The following ATG7 variants were observed in gnomAD, a reference collection of about 807,000 sequenced individuals.
ATG7 encodes autophagy related 7.
In ATG7, 70 loss-of-function variants were observed where a neutral mutation model predicts 82.4. That is an observed-to-expected ratio of 0.85 (90% CI 0.70 to 1.04). The LOEUF (loss-of-function observed/expected upper bound fraction) is 1.04. ATG7 is among the 50% of genes least tolerant of loss of function. The pLI, the probability that ATG7 is intolerant of heterozygous loss-of-function variation, is 0.00. For synonymous variants in ATG7, 287 were observed against 313.0 expected, an observed-to-expected ratio of 0.92 and a Z score of 0.88; for missense variants, 792 against 864.3, an observed-to-expected ratio of 0.92 and a Z score of 1.05.
chr3:11,277,163 C>T (rs1941993934), intron 1 of ATG7: 1 of 152,388 alleles, frequency 6.6e-6, no homozygotes, highest in Admixed American at 6.5e-5. Context: ...TTCAGGCTCC[C>T]CTCCCTTTTT....
chr3:11,294,984 C>T lies in ATG7; in HGVS notation c.-10-3702C>T, dbSNP rs375212119. On this transcript the variant is annotated intron_variant, in intron 3 of 20. Coordinates refer to ENST00000693202, the MANE Select transcript of ATG7 (RefSeq NM_001349232.2). ...AAAATTAGCCGGGCATGGTGGTGCA[C>T]ACCTGTAGTCCCAGCTACTCAGGAG... Among the ~76,000 whole-genome samples the T allele has an allele frequency of 1.2e-4, 19 of 152,266 alleles. No individual in the cohort carries two copies. The South Asian group carries it at 3.5e-3, about 28-fold the overall frequency.
At chr3:11,568,831 C>T in the ATG7 span, 1 of 1,410,246 alleles carries the variant, frequency 7.1e-7, no homozygotes, top group Non-Finnish European at 9.2e-7. This position sits in a 1 kb window ranked among gnomAD's most constrained non-coding sequence, Gnocchi z 5.9. Flanking sequence ...ACCCAAAGGA[C>T]TCTGAGTGGC....
intron 15 of ATG7, among the ~76,000 whole-genome samples, chr3:11,359,557 G>A (rs947854896): frequency 1.3e-5 from 2 of 152,036 alleles, no homozygotes; most frequent in Middle Eastern, 3.4e-3. Context: ...TTAGCTAGGT[G>A]TGGTGATGCA....
chr3:11,499,921 ATAG>A (rs1226311676), intron 20 of ATG7, among the ~76,000 whole-genome samples: 1 of 152,150 alleles, frequency 6.6e-6, no homozygotes, highest in Non-Finnish European at 1.5e-5. Flanking sequence ...TGCAGTCCTC[ATAG>A]TAGGTGGCCA....
intron 20 of ATG7, among the ~76,000 whole-genome samples, chr3:11,457,639 A>T (rs965560980): frequency 2.0e-4 from 30 of 152,226 alleles, no homozygotes; most frequent in African/African-American, 7.0e-4. Flanking sequence ...ATTGCATAGC[A>T]TTTAGTAGGC....
intron 8 of ATG7, among the ~76,000 whole-genome samples, chr3:11,315,027 A>G (rs1949196677): frequency 6.6e-6 from 1 of 152,184 alleles, no homozygotes; most frequent in South Asian, 2.1e-4. Flanking sequence ...GGGTAGATTC[A>G]TGTTGGGTTA....
intron 20 of ATG7, among the ~76,000 whole-genome samples, chr3:11,517,926 A>T (rs754895030): frequency 9.9e-5 from 15 of 152,230 alleles, no homozygotes; most frequent in Non-Finnish European, 2.2e-4. Context: ...CTTCAGAAAG[A>T]TGGGCACAGT....
intron 20 of ATG7, among the ~76,000 whole-genome samples, chr3:11,531,443 C>G (rs573613506): frequency 8.2e-4 from 125 of 152,322 alleles, no homozygotes; most frequent in African/African-American, 2.8e-3. Context: ...CCCACCACCC[C>G]CTGTGTGCCA....
At chr3:11,337,410 T>G (rs1253712188) in intron 11 of ATG7, among the ~76,000 whole-genome samples, 1 of 152,024 alleles carries the variant, frequency 6.6e-6, no homozygotes, top group Non-Finnish European at 1.5e-5. Flanking sequence ...CCAAGATAAG[T>G]GCCACTGCAC....
intron 19 of ATG7, among the ~76,000 whole-genome samples, 199 bp from the exon 20 acceptor site, chr3:11,426,605 T>C (rs558397057): frequency 3.9e-5 from 6 of 152,308 alleles, no homozygotes; most frequent in African/African-American, 1.2e-4. Context: ...TGGAAGATAA[T>C]GTTATTGTTA....
At chr3:11,277,169 T>G (rs978905111) in intron 1 of ATG7, 4 of 152,348 alleles carry the variant, frequency 2.6e-5, no homozygotes, top group Non-Finnish European at 5.9e-5. Context: ...CTCCCCTCCC[T>G]TTTTGCCTGT....
intron 9 of ATG7, among the ~76,000 whole-genome samples, chr3:11,320,254 T>C (rs1397768209): frequency 1.3e-5 from 2 of 152,050 alleles, no homozygotes; most frequent in Non-Finnish European, 1.5e-5. Context: ...TTATTCCTTC[T>C]GTTGCGAGCT....
the ATG7 span, chr3:11,565,065 A>G: frequency 6.9e-7 from 1 of 1,448,760 alleles, no homozygotes; most frequent in Non-Finnish European, 9.1e-7. The surrounding 1 kb of genome is among the most constrained non-coding windows in gnomAD (Gnocchi z 4.1). Flanking sequence ...CTCAAAGGCA[A>G]AGGGGACAGT....
chr3:11,308,713 A>C, intron 6 of ATG7: 1 of 511,452 alleles, frequency 2.0e-6, no homozygotes, highest in South Asian at 2.4e-5. Context: ...AAGGCATGAA[A>C]ATGGCCTGGT....
intron 20 of ATG7, among the ~76,000 whole-genome samples, chr3:11,545,740 C>CT (rs1305447618): frequency 6.6e-6 from 1 of 152,106 alleles, no homozygotes; most frequent in Non-Finnish European, 1.5e-5. Flanking sequence ...GCGGTTCTTC[C>CT]TTGGAATCAT....
intron 20 of ATG7, among the ~76,000 whole-genome samples, chr3:11,448,753 A>G (rs1461831212): frequency 6.6e-6 from 1 of 152,200 alleles, no homozygotes; most frequent in Non-Finnish European, 1.5e-5. Flanking sequence ...TCTTGAGGCA[A>G]CAGAGGCATC....
At chr3:11,501,522 A>G (rs1418693001) in intron 20 of ATG7, among the ~76,000 whole-genome samples, 1 of 149,496 alleles carries the variant, frequency 6.7e-6, no homozygotes, top group African/African-American at 2.5e-5. Flanking sequence ...TACGGACTCC[A>G]TATTATTAAT....
At chr3:11,307,802 C>T (rs1337670097) in intron 6 of ATG7, among the ~76,000 whole-genome samples, 2 of 152,164 alleles carry the variant, frequency 1.3e-5, no homozygotes, top group East Asian at 1.9e-4. Context: ...GTCTTTATCA[C>T]GACATGAATC....
At chr3:11,411,340 T>G (rs1002163047) in intron 19 of ATG7, among the ~76,000 whole-genome samples, 1 of 152,124 alleles carries the variant, frequency 6.6e-6, no homozygotes, top group African/African-American at 2.4e-5. Context: ...TAATTTCTTA[T>G]CAGGGCTGGG....
Sources: allele counts gnomAD v4.1 joint callset (sites outside exome capture counted in the v4.1 genomes callset), GRCh38; gene constraint gnomAD v4.1.1; non-coding constraint Gnocchi (gnomAD v3.1); transcripts MANE v1.5; gene names NCBI Gene and HGNC (gene_info 2026-07-23, HGNC 2026-07-21).